The following H2AJ variants were observed in gnomAD, a reference collection of about 807,000 sequenced individuals.
H2AJ encodes H2A.J histone.
H2AJ carries 3 observed loss-of-function variants against 7.9 expected under a neutral mutation model. The ratio of observed to expected loss-of-function variants is 0.38; its 90% CI spans 0.17 to 0.98. H2AJ has a LOEUF of 0.98. Among genes scored for constraint, H2AJ ranks in the 50% least tolerant of loss-of-function variants. The probability of loss-of-function intolerance (pLI) is 0.39; values close to 1 mark genes in which losing one functional copy is unlikely to be tolerated. For missense variants in H2AJ, 128 were observed against 174.4 expected, an observed-to-expected ratio of 0.73 and a Z score of 1.50; for synonymous variants, 98 against 85.7, an observed-to-expected ratio of 1.14 and a Z score of -0.79.
In H2AJ at chr12:14,774,838, G is replaced by A; in HGVS notation, c.368G>A (p.Ser123Asn). ...GTGCTGCTGCCCAAGAAGACGGAGAGTCAGAAGACGAAGAGCAAATGACCC... is the reference window on the plus strand; with the variant it reads ...GTGCTGCTGCCCAAGAAGACGGAGAATCAGAAGACGAAGAGCAAATGACCC... Reference protein sequence around the residue: ...QAVLLPKKTESQKTKSK With the variant: ...QAVLLPKKTENQKTKSK The change falls in exon 1 of 1, where the codon AGT (serine) becomes AAT (asparagine). Residue 123 changes from serine to asparagine, a missense_variant. Transcript: ENST00000544848. 1 of 1,614,176 alleles carries A rather than the reference G, an allele frequency of 6.2e-7. No individual in the cohort carries two copies. Among genetic ancestry groups the A allele is most frequent in the Non-Finnish European group, 8.5e-7 (1 of 1,180,010 alleles).
downstream of H2AJ, chr12:14,776,904 C>T (rs936910305): frequency 1.2e-5 from 2 of 167,042 alleles, no homozygotes; most frequent in African/African-American, 4.8e-5. Flanking sequence ...TTTGCCTTCC[C>T]CTGGGAAGAT....
chr12:14,776,626 A>G (rs1949644624), downstream of H2AJ: 1 of 167,118 alleles, frequency 6.0e-6, no homozygotes, highest in Non-Finnish European at 1.5e-5. Context: ...TAGACAATAA[A>G]TGGAAAAAAG....
At chr12:14,775,734 T>G (rs962679395), downstream of H2AJ, 5 of 240,824 alleles carry the variant, frequency 2.1e-5, no homozygotes, top group Non-Finnish European at 4.5e-5. Context: ...TGAGAATCGG[T>G]TTGACTTTGC....
downstream of H2AJ, chr12:14,775,774 T>G: frequency 4.2e-6 from 1 of 237,192 alleles, no homozygotes; most frequent in Non-Finnish European, 9.1e-6. Context: ...CTCTTGCTTT[T>G]AGGGGTTCTT....
At position 14,774,459 on chromosome 12, in the gene H2AJ, C is replaced by G. The variant is rs1949598468; in HGVS notation, c.-12C>G. 2 of 1,552,146 alleles carry G rather than the reference C, an allele frequency of 1.3e-6. No homozygotes were observed. The highest frequency in any genetic ancestry group is 1.7e-6 in the Non-Finnish European group (2 of 1,151,372). On this transcript the variant is annotated 5_prime_UTR_variant, in exon 1 of 1. Coordinates refer to ENST00000544848, the MANE Select transcript of H2AJ (RefSeq NM_177925.5). The stretch of plus-strand genomic sequence containing the variant: ...TTGTCTCCGTCTCTGGAGTTGTAGG[C>G]GAGAGGTGATCATGTCCGGTCGCGG...
downstream of H2AJ, chr12:14,777,752 ATG>A (rs1949659737): frequency 6.0e-6 from 1 of 167,152 alleles, no homozygotes; most frequent in Non-Finnish European, 1.5e-5. Context: ...GAGTGAATTA[ATG>A]TGTGTGAGGA....
chr12:14,777,543 C>G (rs550913807), downstream of H2AJ: 2 of 167,210 alleles, frequency 1.2e-5, no homozygotes, highest in South Asian at 4.1e-4. Context: ...TATATGCAAA[C>G]TTCACAATGC....
chr12:14,775,501 T>C (rs553335074), downstream of H2AJ: 6 of 461,624 alleles, frequency 1.3e-5, no homozygotes, highest in South Asian at 9.4e-5. Context: ...ATGCTTTGGA[T>C]ATCAGATATC....
chr12:14,775,348 G>T, downstream of H2AJ: 1 of 471,460 alleles, frequency 2.1e-6, no homozygotes, highest in South Asian at 1.5e-5. Flanking sequence ...GGAAGATACC[G>T]TCGGATCGAG....
Position 14,774,687 on chromosome 12 carries a change from GACA to G in H2AJ, c.222_224del (p.Asn74del), listed in dbSNP as rs775734507. Reference sequence around the variant, plus strand: ...GGAGCTGGCTGGCAACGCCGCGCGTGACAACAAGAAGACCAGGATAATTCCCCG... The same window carrying G: ...GGAGCTGGCTGGCAACGCCGCGCGTGACAAGAAGACCAGGATAATTCCCCG... On this transcript the variant is annotated inframe_deletion, in exon 1 of 1. Transcript: ENST00000544848. The G allele has an allele frequency of 8.1e-6, 13 of 1,614,200 alleles. No homozygotes were observed. The African/African-American group carries it at 1.6e-4, about 20-fold the overall frequency.
chr12:14,777,583 A>G (rs1039504432), downstream of H2AJ: 2 of 167,082 alleles, frequency 1.2e-5, no homozygotes, highest in Non-Finnish European at 2.9e-5. Context: ...GTCGCATACC[A>G]TGCTGTGTAA....
downstream of H2AJ, chr12:14,775,184 C>A: frequency 2.1e-6 from 1 of 485,520 alleles, no homozygotes; most frequent in Non-Finnish European, 4.1e-6. Context: ...GGAGGGTGGC[C>A]TGGAGGTGGG....
Position 14,774,964 on chromosome 12 carries a change from A to G in H2AJ, c.*104A>G. The G allele has an allele frequency of 7.4e-7, 1 of 1,354,174 alleles. No individual in the cohort carries two copies. Among genetic ancestry groups the G allele is most frequent in the Non-Finnish European group, 1.0e-6 (1 of 993,198 alleles). The allele number at this position is 1,354,174 out of a possible 1,614,324, so 83.9% of individuals were successfully genotyped here. On this transcript the variant is annotated 3_prime_UTR_variant, in exon 1 of 1. Coordinates refer to ENST00000544848, the MANE Select transcript of H2AJ (RefSeq NM_177925.5). ...CTGGATGTCATGGAGGGCCGGTGAC[A>G]TCTAGCGGGGAGGTGGGCGGCGAGG...
chr12:14,774,611 GGC>G lies in H2AJ; in HGVS notation c.144_145del (p.Pro49GlyfsTer24), dbSNP rs779320460. On this transcript the variant is annotated frameshift_variant, in exon 1 of 1. Coordinates refer to ENST00000544848, the MANE Select transcript of H2AJ (RefSeq NM_177925.5). LOFTEE classifies it high-confidence loss of function. ...GNYAERVGAG[A>X]PVYLAAVLEY... ...ACTACGCGGAGCGAGTGGGCGCCGG[GGC>G]GCCGGTGTACCTGGCGGCGGTGTTG... is the stretch of plus-strand genomic sequence containing the variant. The G allele has an allele frequency of 3.7e-6, 6 of 1,614,086 alleles. No homozygotes were observed. The highest frequency in any genetic ancestry group is 5.1e-6 in the Non-Finnish European group (6 of 1,180,006).
chr12:14,774,730 C>A lies in H2AJ; in HGVS notation c.260C>A (p.Ala87Asp). The A allele has an allele frequency of 6.2e-7, 1 of 1,614,218 alleles. No homozygotes were observed. Among genetic ancestry groups the A allele is most frequent in the Non-Finnish European group, 8.5e-7 (1 of 1,180,042 alleles). ...ATAATTCCCCGCCACCTGCAGCTCG[C>A]CATCCGCAACGACGAGGAGTTAAAC... Reference protein sequence around the residue: ...TRIIPRHLQLAIRNDEELNKL... With the variant: ...TRIIPRHLQLDIRNDEELNKL... Residue 87 changes from alanine (A) to aspartate (D), a missense_variant, in exon 1 of 1, where the codon GCC (alanine) becomes GAC (aspartate). Transcript: ENST00000544848.
In H2AJ at chr12:14,774,889, C is replaced by A. The variant is rs771024071; in HGVS notation, c.*29C>A. 4 of 1,603,630 alleles carry A rather than the reference C, an allele frequency of 2.5e-6. No homozygotes were observed. The South Asian group carries it at 3.3e-5, about 13-fold the overall frequency. ...TGACGCCGCCCTCAGGGAGCTGGCTCCCCCAGCAAAGGCCCTTTTCATGGT... is the reference window on the plus strand; with the variant it reads ...TGACGCCGCCCTCAGGGAGCTGGCTACCCCAGCAAAGGCCCTTTTCATGGT... On this transcript the variant is annotated 3_prime_UTR_variant, in exon 1 of 1. Transcript: ENST00000544848.
At chr12:14,775,640 G>T (rs1453359820), downstream of H2AJ, 2 of 340,002 alleles carry the variant, frequency 5.9e-6, no homozygotes, top group East Asian at 1.7e-4. Flanking sequence ...TTAGTCGTGG[G>T]TTACATATGC....
rs1339340747 is a variant in H2AJ, at chr12:14,774,824, C to G, written c.354C>G (p.Pro118=). 6.2e-7 allele frequency: 1 copy of G among 1,614,086 alleles called. No homozygotes were observed. Among genetic ancestry groups the G allele is most frequent in the Non-Finnish European group, 8.5e-7 (1 of 1,180,040 alleles). ...CCAACATCCAGGCCGTGCTGCTGCC[C>G]AAGAAGACGGAGAGTCAGAAGACGA... ...VLPNIQAVLL[P]KKTESQKTKS... Residue 118 remains proline (P), a synonymous_variant, in exon 1 of 1, where the codon CCC becomes CCG. Transcript: ENST00000544848.
downstream of H2AJ, chr12:14,776,976 G>A (rs1405338632): frequency 1.2e-5 from 2 of 167,150 alleles, 1 homozygote; most frequent in Non-Finnish European, 2.9e-5. Flanking sequence ...ACGAGGCATT[G>A]TAACTGCCCT....
Sources: allele counts gnomAD v4.1 joint callset, GRCh38; gene constraint gnomAD v4.1.1; transcripts MANE v1.5; gene names NCBI Gene and HGNC (gene_info 2026-07-23, HGNC 2026-07-21).